Variants in ANAPC10 observed in about 807,000 individuals in gnomAD.
ANAPC10 encodes the protein anaphase promoting complex subunit 10, also known as anaphase-promoting complex subunit 10.
In ANAPC10, 12 loss-of-function variants were observed where a neutral mutation model predicts 22.0. That is an observed-to-expected ratio of 0.55 (90% CI 0.35 to 0.88). The LOEUF is 0.88. Ranked by LOEUF, ANAPC10 falls within the 40% of genes least tolerant of loss-of-function variation. ANAPC10 has a pLI of 0.01. For missense variants in ANAPC10, 188 were observed against 220.9 expected (o/e 0.85, Z 0.94); for synonymous variants, 65 against 69.5 (o/e 0.94, Z 0.32).
intron 2 of ANAPC10, among the ~76,000 whole-genome samples, chr4:145,088,175 T>A (rs1420912114): frequency 6.6e-6 from 1 of 152,214 alleles, no homozygotes; most frequent in African/African-American, 2.4e-5. Context: ...CTTCTTAGTA[T>A]CCTTTGTTGA....
intron 2 of ANAPC10, among the ~76,000 whole-genome samples, chr4:145,088,510 T>C (rs1253619879): frequency 3.9e-5 from 6 of 152,198 alleles, no homozygotes; most frequent in Admixed American, 1.3e-4. Flanking sequence ...ACAGTATGAG[T>C]TGTTCTGCCA....
intron 4 of ANAPC10, chr4:145,053,715 A>G: frequency 1.6e-6 from 1 of 617,290 alleles, no homozygotes; most frequent in African/African-American, 1.9e-5. Context: ...CTGCTTCAAT[A>G]TTCTCATTCC....
At chr4:145,055,195 C>T (rs1195104046) in intron 4 of ANAPC10, among the ~76,000 whole-genome samples, 1 of 152,074 alleles carries the variant, frequency 6.6e-6, no homozygotes, top group Non-Finnish European at 1.5e-5. Flanking sequence ...CCCAAGTGAC[C>T]ACTGAGAGAT....
At chr4:145,083,295 T>G (rs1313111427) in intron 2 of ANAPC10, among the ~76,000 whole-genome samples, 1 of 152,182 alleles carries the variant, frequency 6.6e-6, no homozygotes, top group Non-Finnish European at 1.5e-5. Context: ...AGGTTGTATA[T>G]TCTACCACTG....
At chr4:145,065,204 G>A (rs1429709375) in intron 3 of ANAPC10, among the ~76,000 whole-genome samples, 4 of 151,654 alleles carry the variant, frequency 2.6e-5, no homozygotes, top group Non-Finnish European at 5.9e-5. Flanking sequence ...TTCTGCTGCT[G>A]ATTCTTTCTT....
intron 3 of ANAPC10, among the ~76,000 whole-genome samples, chr4:145,068,012 C>G (rs939974073): frequency 1.3e-5 from 2 of 152,134 alleles, no homozygotes; most frequent in African/African-American, 4.8e-5. Context: ...TTCCAGTAGG[C>G]ATCTTGGACC....
intron 2 of ANAPC10, among the ~76,000 whole-genome samples, chr4:145,083,077 G>A (rs1022269687): frequency 1.6e-4 from 24 of 151,894 alleles, no homozygotes; most frequent in African/African-American, 5.8e-4. Flanking sequence ...TCTGCATGTT[G>A]GTGTTTTTTA....
At chr4:145,044,921 T>A (rs1188905697) in intron 4 of ANAPC10, among the ~76,000 whole-genome samples, 3 of 152,064 alleles carry the variant, frequency 2.0e-5, no homozygotes, top group Admixed American at 2.0e-4. Flanking sequence ...TTATGCCACA[T>A]AAGTTGCACA....
At chr4:145,043,521 T>C (rs1739828485) in intron 4 of ANAPC10, among the ~76,000 whole-genome samples, 1 of 152,134 alleles carries the variant, frequency 6.6e-6, no homozygotes, top group African/African-American at 2.4e-5. Context: ...CCCACGTTGC[T>C]GAGAGAACAG....
rs1165757013 is a variant in ANAPC10 at position 145,041,639 on chromosome 4, A to G, written c.327+22933T>C. On this transcript the variant is annotated intron_variant, in intron 4 of 4. Transcript: ENST00000507656. ...GCAAGATATGTCTTGCTTAGATGAC[A>G]ATCTCTTCCATATTCTGGATTCAGT... 3.3e-5 allele frequency among the ~76,000 whole-genome samples: 5 copies of G among 152,226 alleles called. No individual in the cohort carries two copies. The East Asian group carries it at 9.6e-4, about 29-fold the overall frequency.
chr4:145,056,597 G>A (rs565630204), intron 4 of ANAPC10, among the ~76,000 whole-genome samples: 51 of 152,078 alleles, frequency 3.4e-4, no homozygotes, highest in Non-Finnish European at 7.1e-4. Flanking sequence ...TCTTTCTGGC[G>A]ACCACTGAAG....
chr4:145,037,195 G>C (rs1012785950), intron 4 of ANAPC10, among the ~76,000 whole-genome samples: 1 of 152,014 alleles, frequency 6.6e-6, no homozygotes, highest in Non-Finnish European at 1.5e-5. Flanking sequence ...GTAACATCAC[G>C]ATTTGCTGCT....
At chr4:144,998,826 G>A (rs563909241) in intron 4 of ANAPC10, among the ~76,000 whole-genome samples, 1 of 152,162 alleles carries the variant, frequency 6.6e-6, no homozygotes, top group South Asian at 2.1e-4. Context: ...ATGAATACAG[G>A]AGCTGGTTTT....
At chr4:145,078,219 A>G (rs551694455) in intron 3 of ANAPC10, among the ~76,000 whole-genome samples, 1 of 152,298 alleles carries the variant, frequency 6.6e-6, no homozygotes, top group African/African-American at 2.4e-5. Context: ...GCATTTCTAT[A>G]TACCAATAAC....
At position 144,995,336 on chromosome 4, in the gene ANAPC10, C is replaced by G; in HGVS notation, c.*37G>C. 7.3e-7 allele frequency: 1 copy of G among 1,370,488 alleles called. No homozygotes were observed. Among genetic ancestry groups the G allele is most frequent in the Admixed American group, 1.8e-5 (1 of 55,242 alleles). The allele number at this position is 1,370,488 out of a possible 1,614,324, so 84.9% of individuals were successfully genotyped here. A position where few individuals can be genotyped will look rare whatever the true frequency, so the allele number is the denominator to read the frequency against. On this transcript the variant is annotated 3_prime_UTR_variant, in exon 5 of 5. Transcript: ENST00000507656. ...TATATTATTTAAATACAGGATAAAA[C>G]AAAGATACGTTTAATGATTTTCGTC...
chr4:145,062,370 G>A (rs1338130305), intron 4 of ANAPC10, among the ~76,000 whole-genome samples: 1 of 152,176 alleles, frequency 6.6e-6, no homozygotes, highest in Non-Finnish European at 1.5e-5. Flanking sequence ...ACTTTGGGAG[G>A]CCGAGAGAGG....
At chr4:145,024,398 T>C (rs1001235791) in intron 4 of ANAPC10, among the ~76,000 whole-genome samples, 2 of 152,204 alleles carry the variant, frequency 1.3e-5, no homozygotes, top group African/African-American at 4.8e-5. Context: ...GGAATCACTA[T>C]GGCAGCTAAT....
chr4:145,000,094 A>C (rs1334791275), intron 4 of ANAPC10, among the ~76,000 whole-genome samples: 1 of 152,246 alleles, frequency 6.6e-6, no homozygotes, highest in Non-Finnish European at 1.5e-5. Flanking sequence ...TAAAACCATA[A>C]AAACCCTAGA....
At chr4:145,079,908 G>A (rs1051691439) in intron 3 of ANAPC10, among the ~76,000 whole-genome samples, 20 of 152,016 alleles carry the variant, frequency 1.3e-4, no homozygotes, top group African/African-American at 4.6e-4. Flanking sequence ...GAGGTCAGGA[G>A]TTTGAGACCA....
Sources: allele counts gnomAD v4.1 joint callset (sites outside exome capture counted in the v4.1 genomes callset), GRCh38; gene constraint gnomAD v4.1.1; transcripts MANE v1.5; gene names NCBI Gene and HGNC (gene_info 2026-07-23, HGNC 2026-07-21).